INPP4B: variants seen among roughly 807,000 people sequenced by gnomAD.
INPP4B encodes inositol polyphosphate 4-phosphatase type II.
A neutral mutation model predicts 122.5 loss-of-function variants in INPP4B; 55 were observed. The observed-to-expected ratio is 0.45, with a 90% CI of 0.36 to 0.56. The LOEUF is 0.56. Ranked by LOEUF, INPP4B falls within the 20% of genes least tolerant of loss-of-function variation. The pLI is 0.00. For synonymous variants in INPP4B, 403 were observed against 388.7 expected (o/e 1.04, Z -0.43); for missense variants, 1,000 against 1,097.7 (o/e 0.91, Z 1.26).
intron 1 of INPP4B, among the ~76,000 whole-genome samples, chr4:142,816,725 T>C (rs191790523): frequency 6.6e-6 from 1 of 152,238 alleles, no homozygotes; most frequent in Admixed American, 6.5e-5. Context: ...TCTTCCCTCA[T>C]GGAAATGTTC....
chr4:142,482,651 T>C (rs1820699863), intron 2 of INPP4B, among the ~76,000 whole-genome samples: 1 of 152,152 alleles, frequency 6.6e-6, no homozygotes, highest in Non-Finnish European at 1.5e-5. Context: ...TAAAACAGGC[T>C]CTGTATGTAT....
At chr4:142,233,586 T>G (rs1187437761) in intron 12 of INPP4B, among the ~76,000 whole-genome samples, 2 of 152,120 alleles carry the variant, frequency 1.3e-5, no homozygotes, top group African/African-American at 4.8e-5. Flanking sequence ...TAAGAGTCTA[T>G]CTGAATTGTG....
At chr4:142,750,504 C>T (rs1253847638) in intron 1 of INPP4B, among the ~76,000 whole-genome samples, 1 of 151,986 alleles carries the variant, frequency 6.6e-6, no homozygotes, top group Admixed American at 6.6e-5. Context: ...CTAAACTTAG[C>T]GTTTATGGCC....
At position 142,139,860 on chromosome 4, in the gene INPP4B, T is replaced by C. The variant is rs1806818588; in HGVS notation, c.1720+5980A>G. Among the ~76,000 whole-genome samples the C allele has an allele frequency of 2.0e-5, 3 of 152,156 alleles. No individual in the cohort carries two copies. The South Asian group carries it at 6.2e-4, about 32-fold the overall frequency. ...TTTGTTTGCTTGTTTACTTTTTGTA[T>C]ACAGATGGGCTCTCACCATGCTGCC... On this transcript the variant is annotated intron_variant, in intron 18 of 25. Coordinates refer to ENST00000262992, the MANE Select transcript of INPP4B (RefSeq NM_001101669.3).
At chr4:142,081,389 A>G (rs568827697) in intron 25 of INPP4B, among the ~76,000 whole-genome samples, 1 of 152,334 alleles carries the variant, frequency 6.6e-6, no homozygotes, top group East Asian at 1.9e-4. Flanking sequence ...CTTACAGTTT[A>G]GATTTAATTA....
intron 8 of INPP4B, among the ~76,000 whole-genome samples, chr4:142,309,966 C>G (rs1171600353): frequency 6.6e-6 from 1 of 152,176 alleles, no homozygotes; most frequent in Non-Finnish European, 1.5e-5. Context: ...GATATCCAGA[C>G]TGCTCACTAG....
chr4:142,336,171 C>A (rs1776502470), intron 7 of INPP4B, among the ~76,000 whole-genome samples: 1 of 152,226 alleles, frequency 6.6e-6, no homozygotes, highest in African/African-American at 2.4e-5. Context: ...TAATAAAATT[C>A]TTCTCTGCCT....
intron 9 of INPP4B, among the ~76,000 whole-genome samples, chr4:142,289,081 C>T (rs191288374): frequency 1.3e-5 from 2 of 152,058 alleles, no homozygotes; most frequent in East Asian, 1.9e-4. Flanking sequence ...TTCTCCTCTC[C>T]ATTCTGGTAT....
At chr4:142,669,250 T>G (rs1463022870) in intron 2 of INPP4B, among the ~76,000 whole-genome samples, 1 of 152,136 alleles carries the variant, frequency 6.6e-6, no homozygotes, top group Non-Finnish European at 1.5e-5. Context: ...ACCCAAAAGA[T>G]CTACAGATTC....
At chr4:142,791,914 T>A (rs879713245) in intron 1 of INPP4B, among the ~76,000 whole-genome samples, 7 of 151,998 alleles carry the variant, frequency 4.6e-5, no homozygotes, top group African/African-American at 7.2e-5. Context: ...ACAGCCCACC[T>A]CCAACAATCC....
At chr4:142,791,201 T>C (rs1273599870) in intron 1 of INPP4B, among the ~76,000 whole-genome samples, 1 of 152,156 alleles carries the variant, frequency 6.6e-6, no homozygotes, top group African/African-American at 2.4e-5. Flanking sequence ...CATGACTTTC[T>C]GGTTTTATCA....
chr4:142,305,809 C>A, intron 8 of INPP4B: 1 of 1,196,590 alleles, frequency 8.4e-7, no homozygotes. Flanking sequence ...AGTTGTTTCA[C>A]TAACTATAAT....
At position 142,028,297 on chromosome 4, in the gene INPP4B, G is replaced by T; in HGVS notation, c.*485C>A. 4.4e-6 allele frequency: 1 copy of T among 227,368 alleles called. No individual in the cohort carries two copies. The highest frequency in any genetic ancestry group is 8.7e-6 in the Non-Finnish European group (1 of 114,340). 14.1% of individuals were successfully genotyped at this position (227,368 alleles called of 1,614,324 possible). A position where few individuals can be genotyped will look rare whatever the true frequency, so the allele number is the denominator to read the frequency against. On this transcript the variant is annotated 3_prime_UTR_variant, in exon 26 of 26. Transcript: ENST00000262992. ...ATGAGTTAACTCTACCTAATTGAGT[G>T]GCTACACATTTTTTTTAAATCCCTT...
chr4:142,320,809 T>A (rs1769717857), intron 7 of INPP4B, among the ~76,000 whole-genome samples: 1 of 152,256 alleles, frequency 6.6e-6, no homozygotes, highest in Admixed American at 6.5e-5. Context: ...TCCACGTTGC[T>A]GTGAATGCCA....
chr4:142,595,074 T>G (rs1419547903), intron 2 of INPP4B, among the ~76,000 whole-genome samples: 1 of 152,176 alleles, frequency 6.6e-6, no homozygotes, highest in Non-Finnish European at 1.5e-5. Flanking sequence ...TTGTTTCGGT[T>G]ATTGTCATTA....
At chr4:142,315,942 T>A (rs1767457850) in intron 7 of INPP4B, among the ~76,000 whole-genome samples, 1 of 151,870 alleles carries the variant, frequency 6.6e-6, no homozygotes, top group African/African-American at 2.4e-5. Context: ...ACCAGGTCAA[T>A]CCTCCCAGAT....
intron 1 of INPP4B, among the ~76,000 whole-genome samples, chr4:142,804,210 G>T (rs1165913889): frequency 6.6e-6 from 1 of 151,978 alleles, no homozygotes; most frequent in East Asian, 1.9e-4. Flanking sequence ...TATCACTTTA[G>T]CATTGAAGTC....
chr4:142,422,690 G>A (rs1807197653), intron 5 of INPP4B, among the ~76,000 whole-genome samples: 1 of 152,034 alleles, frequency 6.6e-6, no homozygotes, highest in Non-Finnish European at 1.5e-5. Flanking sequence ...ATGTGCACCT[G>A]TGGTCCTAGC....
chr4:142,815,783 C>T (rs1216594748), intron 1 of INPP4B, among the ~76,000 whole-genome samples: 2 of 152,064 alleles, frequency 1.3e-5, no homozygotes, highest in Non-Finnish European at 2.9e-5. Flanking sequence ...GAAGAAAACA[C>T]ATTTCAAAAA....
Sources: allele counts gnomAD v4.1 joint callset (sites outside exome capture counted in the v4.1 genomes callset), GRCh38; gene constraint gnomAD v4.1.1; transcripts MANE v1.5; gene names NCBI Gene and HGNC (gene_info 2026-07-23, HGNC 2026-07-21).